The following MACROD2 variants were observed in gnomAD, a reference collection of about 807,000 sequenced individuals.
The protein encoded by MACROD2 is ADP-ribose glycohydrolase MACROD2.
Under a neutral mutation model 70.4 loss-of-function variants are expected in MACROD2, and 36 were observed. The observed-to-expected ratio is 0.51, with a 90% confidence interval of 0.39 to 0.68. The LOEUF is 0.68. Ranked by LOEUF, MACROD2 falls within the 30% of genes least tolerant of loss-of-function variation. The pLI, the probability that MACROD2 is intolerant of heterozygous loss-of-function variation, is 0.00. For synonymous variants in MACROD2, 172 were observed against 178.8 expected (o/e 0.96, Z 0.30); for missense variants, 496 against 538.4 (o/e 0.92, Z 0.78).
intron 5 of MACROD2, among the ~76,000 whole-genome samples, chr20:14,866,391 G>T (rs2073428096): frequency 6.6e-6 from 1 of 152,092 alleles, no homozygotes; most frequent in African/African-American, 2.4e-5. Context: ...AGTTGGCAGA[G>T]GGTCCAGCAG....
intron 5 of MACROD2, among the ~76,000 whole-genome samples, chr20:14,956,837 G>A (rs1409083408): frequency 3.3e-5 from 5 of 152,100 alleles, no homozygotes; most frequent in African/African-American, 9.7e-5. Context: ...GTTGCCACAC[G>A]CTTCTGATGA....
intron 5 of MACROD2, among the ~76,000 whole-genome samples, chr20:14,818,916 G>A (rs1013856467): frequency 6.8e-5 from 9 of 133,154 alleles, no homozygotes; most frequent in Admixed American, 3.5e-4. Flanking sequence ...CTTATTGAAT[G>A]CCTATTATTA....
In MACROD2 at chr20:14,060,124, A is replaced by G. The variant is rs181970231; in HGVS notation, c.164-25497A>G. Among the ~76,000 whole-genome samples the G allele has an allele frequency of 5.9e-5, 9 of 152,342 alleles. No individual in the cohort carries two copies. The East Asian group carries it at 1.5e-3, about 26-fold the overall frequency. On this transcript the variant is annotated intron_variant, in intron 2 of 17. Coordinates refer to ENST00000684519, the MANE Select transcript of MACROD2 (RefSeq NM_001351661.2). ...TTACTATAGCAAAAGATCTTTAACTATAGAGCACCAAACAAAATTGAAGTT... is the reference window on the plus strand; with the variant it reads ...TTACTATAGCAAAAGATCTTTAACTGTAGAGCACCAAACAAAATTGAAGTT...
At chr20:14,050,988 C>A (rs1038333587) in intron 2 of MACROD2, among the ~76,000 whole-genome samples, 15 of 151,650 alleles carry the variant, frequency 9.9e-5, no homozygotes, top group African/African-American at 3.6e-4. Context: ...AATGCCGTGG[C>A]GTATTAGATA....
At chr20:14,806,655 CA>C (rs568736811) in intron 5 of MACROD2, among the ~76,000 whole-genome samples, 73 of 152,222 alleles carry the variant, frequency 4.8e-4, no homozygotes, top group Non-Finnish European at 8.5e-4. Flanking sequence ...CAGTGGATCC[CA>C]CCCCCACGGA....
At chr20:15,587,954 CTAGGCAATGCCCCAG>C (rs1006955893) in intron 8 of MACROD2, among the ~76,000 whole-genome samples, 20 of 152,326 alleles carry the variant, frequency 1.3e-4, no homozygotes, top group Admixed American at 2.6e-4. Flanking sequence ...CAAAGCCCCA[CTAGGCAATGCCCCAG>C]TAGGAACTCT....
intron 5 of MACROD2, among the ~76,000 whole-genome samples, chr20:14,907,603 G>T (rs1057333900): frequency 2.0e-5 from 3 of 152,138 alleles, no homozygotes; most frequent in African/African-American, 7.2e-5. Flanking sequence ...AATTTGCTGG[G>T]TCAAAAATGG....
At chr20:16,004,221 A>G (rs989261282) in intron 15 of MACROD2, among the ~76,000 whole-genome samples, 1 of 152,150 alleles carries the variant, frequency 6.6e-6, no homozygotes, top group African/African-American at 2.4e-5. Context: ...TCAGCCACTT[A>G]TAAGCCTCTC....
chr20:14,652,608 G>A (rs1985735324), intron 4 of MACROD2, among the ~76,000 whole-genome samples: 1 of 152,040 alleles, frequency 6.6e-6, no homozygotes, highest in African/African-American at 2.4e-5. Flanking sequence ...CAAACAGATG[G>A]GTTTTATGTA....
At chr20:14,530,185 A>C (rs1206640643) in intron 4 of MACROD2, among the ~76,000 whole-genome samples, 2 of 152,166 alleles carry the variant, frequency 1.3e-5, no homozygotes, top group Admixed American at 6.5e-5. Context: ...GAAGTGTGTT[A>C]ATGTCCCCAG....
intron 10 of MACROD2, among the ~76,000 whole-genome samples, chr20:15,922,088 G>C (rs2065417778): frequency 6.6e-6 from 1 of 152,182 alleles, no homozygotes; most frequent in African/African-American, 2.4e-5. Flanking sequence ...AAGCCCTCAG[G>C]CCGCATATTC....
At chr20:15,504,744 A>C (rs576266467) in intron 8 of MACROD2, among the ~76,000 whole-genome samples, 88 of 152,222 alleles carry the variant, frequency 5.8e-4, no homozygotes, top group Non-Finnish European at 1.1e-3. Flanking sequence ...AATTGACAGC[A>C]GGTAGCATGA....
intron 15 of MACROD2, among the ~76,000 whole-genome samples, chr20:16,021,835 G>T (rs1430411452): frequency 2.6e-5 from 4 of 151,990 alleles, no homozygotes; most frequent in African/African-American, 9.7e-5. Flanking sequence ...CTTTTATACC[G>T]CTATTTCTTT....
At chr20:15,502,747 G>C (rs1355057610) in intron 8 of MACROD2, among the ~76,000 whole-genome samples, 2 of 152,136 alleles carry the variant, frequency 1.3e-5, no homozygotes, top group Non-Finnish European at 2.9e-5. Flanking sequence ...ATTGTTTTCT[G>C]TTAGGATAGG....
intron 13 of MACROD2, among the ~76,000 whole-genome samples, chr20:15,970,660 C>T (rs530841494): frequency 2.0e-5 from 3 of 152,194 alleles, no homozygotes; most frequent in South Asian, 4.2e-4. Context: ...AGGTAGCTAA[C>T]GTTTGCAAGG....
At chr20:14,319,955 T>C (rs1459789907) in intron 3 of MACROD2, among the ~76,000 whole-genome samples, 1 of 152,206 alleles carries the variant, frequency 6.6e-6, no homozygotes, top group Non-Finnish European at 1.5e-5. Flanking sequence ...GCTGAGGATA[T>C]GTCCCCACAT....
At chr20:15,549,930 T>A (rs1475802840) in intron 8 of MACROD2, among the ~76,000 whole-genome samples, 18 of 152,002 alleles carry the variant, frequency 1.2e-4, no homozygotes, top group Non-Finnish European at 2.9e-5. Flanking sequence ...AAATGCGACA[T>A]ATATACCCTA....
At chr20:14,308,534 A>C (rs565997406) in intron 3 of MACROD2, among the ~76,000 whole-genome samples, 1 of 152,276 alleles carries the variant, frequency 6.6e-6, no homozygotes, top group East Asian at 1.9e-4. Flanking sequence ...GAAATCAGGC[A>C]AACTGGACTT....
At chr20:15,637,247 G>A (rs576112554) in intron 8 of MACROD2, among the ~76,000 whole-genome samples, 11 of 152,194 alleles carry the variant, frequency 7.2e-5, no homozygotes, top group Non-Finnish European at 1.3e-4. Flanking sequence ...CAGTTTCTCC[G>A]TCTGTAAAAC....
Sources: gnomAD v4.1 joint callset for allele counts (sites outside exome capture counted in the v4.1 genomes callset) on GRCh38, gnomAD v4.1.1 for gene constraint, MANE v1.5 for transcripts, NCBI Gene and HGNC (gene_info 2026-07-23, HGNC 2026-07-21) for gene names.